PARD3: variants seen among roughly 807,000 people sequenced by gnomAD.
The protein encoded by PARD3 is par-3 family cell polarity regulator, also known as partitioning defective 3 homolog.
A neutral mutation model predicts 155.4 loss-of-function variants in PARD3; 75 were observed. That is an observed-to-expected ratio of 0.48 (90% CI 0.40 to 0.58). The LOEUF (loss-of-function observed/expected upper bound fraction) is 0.58, where lower values mean the gene tolerates loss of function less well. Ranked by LOEUF, PARD3 falls within the 20% of genes least tolerant of loss-of-function variation. PARD3 has a pLI of 0.00. For missense variants in PARD3, 1,642 were observed against 1,721.7 expected, an observed-to-expected ratio of 0.95 and a Z score of 0.82; for synonymous variants, 576 against 610.5, an observed-to-expected ratio of 0.94 and a Z score of 0.83.
intron 4 of PARD3, among the ~76,000 whole-genome samples, chr10:34,460,600 G>A (rs969133430): frequency 2.6e-5 from 4 of 152,078 alleles, no homozygotes; most frequent in Middle Eastern, 3.2e-3. Context: ...TTGGGAGGCC[G>A]AGGCGGGTGG....
At chr10:34,189,302 C>A (rs1349211495) in intron 22 of PARD3, among the ~76,000 whole-genome samples, 1 of 152,180 alleles carries the variant, frequency 6.6e-6, no homozygotes, top group African/African-American at 2.4e-5. Flanking sequence ...TGCACTGCAG[C>A]CTGGGTAACA....
chr10:34,359,812 A>C (rs1466104908), intron 13 of PARD3, among the ~76,000 whole-genome samples: 1 of 152,194 alleles, frequency 6.6e-6, no homozygotes, highest in Non-Finnish European at 1.5e-5. Context: ...GACCTATGCC[A>C]AGTCTTTGCA....
At chr10:34,610,532 A>G (rs1474798801) in intron 2 of PARD3, among the ~76,000 whole-genome samples, 1 of 152,212 alleles carries the variant, frequency 6.6e-6, no homozygotes, top group Admixed American at 6.5e-5. Flanking sequence ...TGAGTTAATC[A>G]AAGAAGGAAA....
At chr10:34,689,159 T>C (rs1237226179) in intron 2 of PARD3, among the ~76,000 whole-genome samples, 2 of 152,182 alleles carry the variant, frequency 1.3e-5, no homozygotes, top group African/African-American at 4.8e-5. Context: ...CTTTTTTCCT[T>C]AAACCAAAAA....
chr10:34,679,642 C>T (rs545164549), intron 2 of PARD3, among the ~76,000 whole-genome samples: 2 of 152,148 alleles, frequency 1.3e-5, no homozygotes, highest in Middle Eastern at 3.2e-3. Flanking sequence ...GTCTGGAACG[C>T]CACCTCCCAT....
At chr10:34,523,000 C>T (rs973655091) in intron 2 of PARD3, among the ~76,000 whole-genome samples, 12 of 152,242 alleles carry the variant, frequency 7.9e-5, no homozygotes, top group Non-Finnish European at 1.3e-4. Context: ...GGATTCTGTT[C>T]GTTTTTGATT....
At position 34,372,784 on chromosome 10, in the gene PARD3, T is replaced by G. The variant is rs563128156; in HGVS notation, c.1669-248A>C. Among the ~76,000 whole-genome samples, 3 of 152,292 alleles carry G rather than the reference T, an allele frequency of 2.0e-5. No individual in the cohort carries two copies. In the South Asian group the frequency reaches 6.2e-4, roughly 32 times the overall value. On this transcript the variant is annotated intron_variant, in intron 11 of 24. Transcript: ENST00000374788. ...TTACTTGCTCATTCACAGTACATCA[T>G]GAATTTATTATCTGGAGGAAAACAA...
intron 12 of PARD3, among the ~76,000 whole-genome samples, chr10:34,364,236 A>C (rs1003420328): frequency 2.0e-5 from 3 of 152,326 alleles, no homozygotes; most frequent in Admixed American, 6.5e-5. Flanking sequence ...TTGGATGAGA[A>C]TGTACAAAAT....
At chr10:34,534,661 G>C (rs1180416991) in intron 2 of PARD3, among the ~76,000 whole-genome samples, 1 of 152,194 alleles carries the variant, frequency 6.6e-6, no homozygotes, top group Non-Finnish European at 1.5e-5. Context: ...CCAAGGTCCA[G>C]CGGCTGCAGA....
intron 3 of PARD3, among the ~76,000 whole-genome samples, chr10:34,501,686 T>G (rs1459313933): frequency 6.6e-6 from 1 of 152,004 alleles, no homozygotes; most frequent in Non-Finnish European, 1.5e-5. Flanking sequence ...AATATTTAAA[T>G]GCATGTAAAA....
At chr10:34,188,973 C>T (rs1950596695) in intron 22 of PARD3, among the ~76,000 whole-genome samples, 1 of 152,144 alleles carries the variant, frequency 6.6e-6, no homozygotes, top group African/African-American at 2.4e-5. Context: ...GGTCTATGGA[C>T]TCCTAGGGGT....
intron 22 of PARD3, among the ~76,000 whole-genome samples, chr10:34,149,173 T>C (rs1369066186): frequency 6.6e-6 from 1 of 152,132 alleles, no homozygotes; most frequent in African/African-American, 2.4e-5. Context: ...TTGATGACCA[T>C]TTGAGTATTT....
intron 2 of PARD3, among the ~76,000 whole-genome samples, chr10:34,626,366 T>G (rs1171427791): frequency 6.6e-6 from 1 of 152,218 alleles, no homozygotes; most frequent in African/African-American, 2.4e-5. Context: ...CCTCTCTGTG[T>G]GTGAAGTGTC....
chr10:34,183,147 A>C (rs897746567), intron 22 of PARD3, among the ~76,000 whole-genome samples: 1 of 152,254 alleles, frequency 6.6e-6, no homozygotes, highest in Non-Finnish European at 1.5e-5. Flanking sequence ...GCAGTGACTG[A>C]GTGAATAAGT....
chr10:34,118,251 T>A (rs1307807510), intron 24 of PARD3, among the ~76,000 whole-genome samples: 2 of 152,184 alleles, frequency 1.3e-5, no homozygotes, highest in Non-Finnish European at 2.9e-5. Context: ...ATGGCACTTA[T>A]CCCCATGGAG....
intron 2 of PARD3, among the ~76,000 whole-genome samples, chr10:34,694,067 A>AT (rs2133454511): frequency 6.6e-6 from 1 of 151,924 alleles, no homozygotes; most frequent in Admixed American, 6.6e-5. Context: ...ATGTTTCTGC[A>AT]TTTTCCAATT....
intron 23 of PARD3, among the ~76,000 whole-genome samples, chr10:34,130,152 C>T (rs1947529822): frequency 6.6e-6 from 1 of 152,152 alleles, no homozygotes; most frequent in African/African-American, 2.4e-5. Context: ...GAACTATCGC[C>T]TCTACTTCCA....
At chr10:34,710,897 C>T (rs532053403) in intron 1 of PARD3, among the ~76,000 whole-genome samples, 2 of 152,230 alleles carry the variant, frequency 1.3e-5, no homozygotes, top group South Asian at 4.2e-4. Context: ...TCCCCTTGGC[C>T]GGACACAGTA....
intron 1 of PARD3, among the ~76,000 whole-genome samples, chr10:34,731,569 T>C (rs1246071161): frequency 6.6e-6 from 1 of 152,190 alleles, no homozygotes; most frequent in Non-Finnish European, 1.5e-5. Context: ...ATAAAAGTAC[T>C]TATTTGCCAT....
Sources: allele counts gnomAD v4.1 joint callset (sites outside exome capture counted in the v4.1 genomes callset), GRCh38; gene constraint gnomAD v4.1.1; transcripts MANE v1.5; gene names NCBI Gene and HGNC (gene_info 2026-07-23, HGNC 2026-07-21).